Variants in KCNH8 observed in about 807,000 individuals in gnomAD.
KCNH8 encodes voltage-gated delayed rectifier potassium channel KCNH8.
In KCNH8, 70 loss-of-function variants were observed where a neutral mutation model predicts 103.6. That is an observed-to-expected ratio of 0.68 (90% CI 0.56 to 0.82). The LOEUF is 0.82. Among genes scored for constraint, KCNH8 ranks in the 40% least tolerant of loss-of-function variants. The pLI is 0.00. For synonymous variants in KCNH8, 498 were observed against 489.4 expected (o/e 1.02, Z -0.23); for missense variants, 1,217 against 1,329.9 (o/e 0.92, Z 1.32).
intron 10 of KCNH8, 142 bp downstream of exon 10, chr3:19,451,546 A>G (rs2067448227): frequency 2.8e-6 from 2 of 723,636 alleles, no homozygotes; most frequent in South Asian, 3.6e-5. Context: ...ATATGAGTTT[A>G]GTGTGCCTAT....
Position 19,420,223 on chromosome 3 carries a change from T to C in KCNH8, c.1178-17941T>C, listed in dbSNP as rs999819713. 5.3e-5 allele frequency among the ~76,000 whole-genome samples: 8 copies of C among 152,318 alleles called. No individual in the cohort carries two copies. In the East Asian group the frequency reaches 7.7e-4, roughly 15 times the overall value. Reference sequence around the variant, plus strand: ...CTGCTGTGGTTGTTTTAACTATCATTGCTATTCTTAACATGATGACATTTT... The same window carrying C: ...CTGCTGTGGTTGTTTTAACTATCATCGCTATTCTTAACATGATGACATTTT... On this transcript the variant is annotated intron_variant, in intron 7 of 15. Transcript: ENST00000328405.
chr3:19,463,670 T>C (rs2067679420), intron 11 of KCNH8, among the ~76,000 whole-genome samples: 1 of 152,174 alleles, frequency 6.6e-6, no homozygotes, highest in African/African-American at 2.4e-5. Flanking sequence ...TGTATCCATT[T>C]TGCAGAAAAA....
In KCNH8 at chr3:19,466,368, G is replaced by C. The variant is rs140539110; in HGVS notation, c.2040+9386G>C. On this transcript the variant is annotated intron_variant, in intron 11 of 15. Coordinates refer to ENST00000328405, the MANE Select transcript of KCNH8 (RefSeq NM_144633.3). The stretch of plus-strand genomic sequence containing the variant: ...AGTTTATAAAGCAGTGGCAGGGTTT[G>C]AAAGGCTTGACTCCAATTTCAAAAG... Among the ~76,000 whole-genome samples, 684 of 152,296 alleles carry C rather than the reference G, an allele frequency of 4.5e-3. 5 individuals are homozygous for C. The highest frequency in any genetic ancestry group is 0.019 in the South Asian group (94 of 4,826).
At chr3:19,198,380 A>G (rs912341698) in intron 1 of KCNH8, among the ~76,000 whole-genome samples, 1 of 152,090 alleles carries the variant, frequency 6.6e-6, no homozygotes, top group African/African-American at 2.4e-5. Context: ...TAGAGCAAAC[A>G]AGGCGGAACC....
chr3:19,448,123 C>G (rs1185128417), intron 8 of KCNH8, among the ~76,000 whole-genome samples: 1 of 151,820 alleles, frequency 6.6e-6, no homozygotes, highest in East Asian at 1.9e-4. Flanking sequence ...ATAAACTGAG[C>G]AAATACTGTT....
intron 11 of KCNH8, among the ~76,000 whole-genome samples, chr3:19,508,991 T>C (rs1380367740): frequency 6.6e-6 from 1 of 152,224 alleles, no homozygotes; most frequent in South Asian, 2.1e-4. Flanking sequence ...TCTTCTGTAA[T>C]CCAAGCTATA....
intron 10 of KCNH8, among the ~76,000 whole-genome samples, chr3:19,452,222 A>G (rs564840981): frequency 2.0e-5 from 3 of 152,160 alleles, no homozygotes; most frequent in Admixed American, 2.0e-4. Flanking sequence ...TGTCTCTACT[A>G]AAAATACAAA....
In KCNH8 at chr3:19,206,168, G is replaced by GTA. The variant is rs750765830; in HGVS notation, c.77-47470_77-47469dup. On this transcript the variant is annotated intron_variant, in intron 1 of 15. Transcript: ENST00000328405. ...GTATATATATATTAATGGTGTGTGT[G>GTA]TATATATATATATATATCACAGTTA... Among the ~76,000 whole-genome samples, 1,330 of 139,180 alleles carry GTA rather than the reference G, an allele frequency of 9.6e-3. 4 individuals are homozygous for GTA. The highest frequency in any genetic ancestry group is 0.012 in the Non-Finnish European group (794 of 65,704). The allele number at this position is 139,180 out of a possible 152,430, so 91.3% of individuals were successfully genotyped here. A position where few individuals can be genotyped will look rare whatever the true frequency, so the allele number is the denominator to read the frequency against.
intron 1 of KCNH8, among the ~76,000 whole-genome samples, chr3:19,181,086 A>T (rs2063448638): frequency 6.6e-6 from 1 of 152,170 alleles, no homozygotes; most frequent in Admixed American, 6.5e-5. Context: ...CTTTCCAGTA[A>T]CATGATATAT....
At chr3:19,194,697 A>T (rs1211424422) in intron 1 of KCNH8, among the ~76,000 whole-genome samples, 1 of 151,880 alleles carries the variant, frequency 6.6e-6, no homozygotes, top group East Asian at 1.9e-4. Context: ...TACCTGGGTG[A>T]TGAGATCAAT....
At chr3:19,416,976 T>C (rs1330571796) in intron 7 of KCNH8, among the ~76,000 whole-genome samples, 2 of 151,876 alleles carry the variant, frequency 1.3e-5, no homozygotes, top group Non-Finnish European at 2.9e-5. Flanking sequence ...GATTTAAGAG[T>C]TATAGCCTGT....
At chr3:19,251,921 C>T (rs1462767883) in intron 1 of KCNH8, among the ~76,000 whole-genome samples, 1 of 152,082 alleles carries the variant, frequency 6.6e-6, no homozygotes, top group East Asian at 1.9e-4. Flanking sequence ...ATAAATAGCT[C>T]ATATAATAAC....
At chr3:19,406,706 G>A (rs960685365) in intron 7 of KCNH8, among the ~76,000 whole-genome samples, 2 of 152,018 alleles carry the variant, frequency 1.3e-5, no homozygotes, top group African/African-American at 2.4e-5. Context: ...GCCCATAGAT[G>A]CACAGGATGT....
chr3:19,187,097 T>G (rs1008847051), intron 1 of KCNH8, among the ~76,000 whole-genome samples: 2 of 151,976 alleles, frequency 1.3e-5, no homozygotes, highest in Non-Finnish European at 2.9e-5. Flanking sequence ...TTCTTTTTGT[T>G]TTTTTGGTTT....
At chr3:19,361,921 AAAGT>A (rs1406751595) in intron 5 of KCNH8, among the ~76,000 whole-genome samples, 1 of 152,110 alleles carries the variant, frequency 6.6e-6, no homozygotes, top group Non-Finnish European at 1.5e-5. Flanking sequence ...AAAGGGAGGG[AAAGT>A]AAGAAGTTGA....
chr3:19,379,396 CT>C (rs1248576248), intron 5 of KCNH8, among the ~76,000 whole-genome samples: 1 of 152,178 alleles, frequency 6.6e-6, no homozygotes, highest in African/African-American at 2.4e-5. Flanking sequence ...AATCCCAGCA[CT>C]TTGGGAGGCC....
At chr3:19,461,497 C>A (rs2067627503) in intron 11 of KCNH8, among the ~76,000 whole-genome samples, 1 of 152,030 alleles carries the variant, frequency 6.6e-6, no homozygotes, top group African/African-American at 2.4e-5. Context: ...ACAGACAAAA[C>A]CAAAAATATC....
At chr3:19,289,350 A>G (rs1382038586) in intron 3 of KCNH8, among the ~76,000 whole-genome samples, 2 of 152,042 alleles carry the variant, frequency 1.3e-5, no homozygotes, top group Non-Finnish European at 2.9e-5. Flanking sequence ...TAGGGTTTTT[A>G]TGGTTTTAGG....
intron 2 of KCNH8, among the ~76,000 whole-genome samples, chr3:19,279,156 T>C (rs2064720206): frequency 6.6e-6 from 1 of 152,178 alleles, no homozygotes; most frequent in Non-Finnish European, 1.5e-5. Flanking sequence ...CTGATGGCTC[T>C]TTTTGTTTCT....
Sources: gnomAD v4.1 joint callset for allele counts (sites outside exome capture counted in the v4.1 genomes callset) on GRCh38, gnomAD v4.1.1 for gene constraint, MANE v1.5 for transcripts, NCBI Gene and HGNC (gene_info 2026-07-23, HGNC 2026-07-21) for gene names.